ZNF331: variants seen among roughly 807,000 people sequenced by gnomAD.
ZNF331 encodes the protein C2H2-like zinc finger protein rearranged in thyroid adenomas.
Under a neutral mutation model 7.0 loss-of-function variants are expected in ZNF331, and 2 were observed. The observed-to-expected ratio is 0.29, with a 90% CI of 0.12 to 0.90. The LOEUF is 0.90. ZNF331 is among the 40% of genes least tolerant of loss of function. The pLI, the probability that ZNF331 is intolerant of heterozygous loss-of-function variation, is 0.58. For missense variants in ZNF331, 432 were observed against 587.7 expected (o/e 0.74, Z 2.74); for synonymous variants, 196 against 205.4 (o/e 0.95, Z 0.39).
the ZNF331 span, among the ~76,000 whole-genome samples, chr19:53,509,115 G>T: frequency 6.6e-6 from 1 of 152,144 alleles, no homozygotes; most frequent in East Asian, 1.9e-4. Context: ...CAGGTGCTGG[G>T]GGTTCCTGTG....
chr19:53,562,742 CACTTTGGA>C (rs1222757704), intron 3 of ZNF331, among the ~76,000 whole-genome samples: 3 of 151,264 alleles, frequency 2.0e-5, no homozygotes, highest in Non-Finnish European at 4.4e-5. Context: ...GTAATCCCAA[CACTTTGGA>C]AGGCCGAGGT....
At chr19:53,534,548 A>G (rs1230011827), upstream of ZNF331, among the ~76,000 whole-genome samples, 1 of 152,052 alleles carries the variant, frequency 6.6e-6, no homozygotes, top group Non-Finnish European at 1.5e-5. Context: ...CGGCCTCCCA[A>G]ATGCTGGGAT....
chr19:53,515,761 T>C (rs1250818061), upstream of ZNF331, among the ~76,000 whole-genome samples: 13 of 152,272 alleles, frequency 8.5e-5, no homozygotes, highest in South Asian at 2.3e-3. Context: ...CCTCCCAAAG[T>C]ACTGGGATTA....
intron 2 of ZNF331, among the ~76,000 whole-genome samples, chr19:53,531,983 A>G (rs1327589445): frequency 6.6e-6 from 1 of 151,658 alleles, no homozygotes; most frequent in African/African-American, 2.4e-5. Flanking sequence ...TTTATTTTTT[A>G]TTTTTATTTG....
At chr19:53,574,731 C>A (rs574928785) in intron 5 of ZNF331, among the ~76,000 whole-genome samples, 1 of 152,318 alleles carries the variant, frequency 6.6e-6, no homozygotes, top group East Asian at 1.9e-4. Flanking sequence ...CATTGGCAGT[C>A]ATTGGCACTG....
upstream of ZNF331, among the ~76,000 whole-genome samples, chr19:53,519,415 C>T (rs565647610): frequency 6.6e-6 from 1 of 152,308 alleles, no homozygotes; most frequent in South Asian, 2.1e-4. Flanking sequence ...TGCCTAACCA[C>T]CTGACCACAA....
rs143819083 is a variant in ZNF331 at position 53,562,051 on chromosome 19, G to A, written c.-74+6143G>A. On this transcript the variant is annotated intron_variant, in intron 3 of 5. Coordinates refer to ENST00000449416, the MANE Select transcript of ZNF331 (RefSeq NM_001079906.2). ...TAATCCCAGGTACTTGGGAGGCTGAGGCAGGAGAATTGCTTGAACCTGGGA... is the reference window on the plus strand; with the variant it reads ...TAATCCCAGGTACTTGGGAGGCTGAAGCAGGAGAATTGCTTGAACCTGGGA... Among the ~76,000 whole-genome samples the A allele has an allele frequency of 3.7e-4, 57 of 152,298 alleles. No individual in the cohort carries two copies. In the East Asian group the frequency reaches 8.5e-3, roughly 23 times the overall value.
At chr19:53,512,979 G>C in the ZNF331 span, among the ~76,000 whole-genome samples, 1 of 151,270 alleles carries the variant, frequency 6.6e-6, no homozygotes, top group African/African-American at 2.4e-5. Flanking sequence ...TGCTAAGGAA[G>C]CACATGGTTG....
intron 2 of ZNF331, among the ~76,000 whole-genome samples, chr19:53,546,210 C>T (rs1465320872): frequency 6.8e-6 from 1 of 148,022 alleles, no homozygotes; most frequent in Non-Finnish European, 1.5e-5. Flanking sequence ...GCCATTATGT[C>T]TAATGTCAAT....
At chr19:53,535,127 C>T (rs2087696248), upstream of ZNF331, among the ~76,000 whole-genome samples, 1 of 151,354 alleles carries the variant, frequency 6.6e-6, no homozygotes, top group Admixed American at 6.6e-5. Context: ...CAGAGTCTTG[C>T]TTTTGTTGCC....
intron 2 of ZNF331, chr19:53,555,299 G>A (rs926186589): frequency 7.0e-6 from 1 of 142,046 alleles, no homozygotes; most frequent in Non-Finnish European, 1.6e-5. Flanking sequence ...TAGTTCCAGC[G>A]TCTCTGTGCT....
intron 3 of ZNF331, among the ~76,000 whole-genome samples, chr19:53,563,242 C>G (rs1014694946): frequency 6.6e-6 from 1 of 151,880 alleles, no homozygotes; most frequent in Non-Finnish European, 1.5e-5. Context: ...CTTGTACCAC[C>G]ACACTCAGCT....
chr19:53,579,795 C>G lies in ZNF331; in HGVS notation c.*1843C>G, dbSNP rs529801351. 15 of 197,932 alleles carry G rather than the reference C, an allele frequency of 7.6e-5. No homozygotes were observed. The East Asian group carries it at 1.2e-3, about 16-fold the overall frequency. The allele number at this position is 197,932 out of a possible 1,614,324, so 12.3% of individuals were successfully genotyped here. On this transcript the variant is annotated 3_prime_UTR_variant, in exon 6 of 6. Transcript: ENST00000449416. ...ACAAAGTTCTGTTCATCAAATGATG[C>G]TGTTAAGATAGGGAAAAGACAAGAA...
intron 2 of ZNF331, among the ~76,000 whole-genome samples, chr19:53,551,437 C>T (rs1216226584): frequency 2.0e-5 from 3 of 152,132 alleles, no homozygotes; most frequent in Non-Finnish European, 4.4e-5. Flanking sequence ...AGCCCAGCCA[C>T]GGGTCACGTT....
intron 2 of ZNF331, among the ~76,000 whole-genome samples, chr19:53,529,543 C>T (rs974998624): frequency 7.2e-5 from 11 of 152,136 alleles, no homozygotes; most frequent in African/African-American, 1.2e-4. Flanking sequence ...GGATCTCTCT[C>T]GCTGTATTGT....
intron 2 of ZNF331, among the ~76,000 whole-genome samples, chr19:53,547,752 A>C (rs1262837886): frequency 6.6e-6 from 1 of 152,100 alleles, no homozygotes; most frequent in Non-Finnish European, 1.5e-5. Context: ...TTGTGGTTTA[A>C]CTTTTTGTTG....
chr19:53,567,534 C>G (rs975254795), intron 3 of ZNF331, among the ~76,000 whole-genome samples: 1 of 152,118 alleles, frequency 6.6e-6, no homozygotes, highest in African/African-American at 2.4e-5. Context: ...GGGGATTCCT[C>G]AAACCGCCCT....
upstream of ZNF331, among the ~76,000 whole-genome samples, chr19:53,535,900 G>A (rs1258154234): frequency 6.6e-6 from 1 of 151,608 alleles, no homozygotes; most frequent in Non-Finnish European, 1.5e-5. Flanking sequence ...CTGCCTCCCA[G>A]GTTCAAGCGA....
At chr19:53,542,956 A>T (rs1401629037) in intron 2 of ZNF331, among the ~76,000 whole-genome samples, 1 of 152,150 alleles carries the variant, frequency 6.6e-6, no homozygotes, top group African/African-American at 2.4e-5. Flanking sequence ...ATTACAGGCA[A>T]GTGCCACCAC....
Sources: allele counts gnomAD v4.1 joint callset (sites outside exome capture counted in the v4.1 genomes callset), GRCh38; gene constraint gnomAD v4.1.1; transcripts MANE v1.5; gene names NCBI Gene and HGNC (gene_info 2026-07-23, HGNC 2026-07-21).